The following MYT1L variants were observed in gnomAD, a reference collection of about 807,000 sequenced individuals.
The protein encoded by MYT1L is myelin transcription factor 1-like protein.
A neutral mutation model predicts 126.7 loss-of-function variants in MYT1L; 12 were observed. That is an observed-to-expected ratio of 0.09 (90% CI 0.06 to 0.15). The LOEUF (loss-of-function observed/expected upper bound fraction) is 0.15. Among genes scored for constraint, MYT1L ranks in the 10% least tolerant of loss-of-function variants. The pLI is 1.00. For synonymous variants in MYT1L, 541 were observed against 604.2 expected, an observed-to-expected ratio of 0.90 and a Z score of 1.53; for missense variants, 979 against 1,585.2, an observed-to-expected ratio of 0.62 and a Z score of 6.49.
At chr2:1,925,383 C>T (rs1327457371) in intron 9 of MYT1L, among the ~76,000 whole-genome samples, 3 of 152,190 alleles carry the variant, frequency 2.0e-5, no homozygotes, top group Non-Finnish European at 4.4e-5. Flanking sequence ...CCTCACCTTC[C>T]TACAAATGTG....
At position 1,839,765 on chromosome 2, in the gene MYT1L, G is replaced by A. The variant is rs951362520; in HGVS notation, c.2859-395C>T. 3.2e-4 allele frequency among the ~76,000 whole-genome samples: 48 copies of A among 152,216 alleles called. 1 individual carries two copies. The highest frequency in any genetic ancestry group is 3.5e-4 in the Non-Finnish European group (24 of 68,038). ...AAAAATGCAACGTCAATAAGATGTC[G>A]TGGCATTATTTTTAAAGAGGCTGTT... On this transcript the variant is annotated intron_variant, in intron 20 of 24. Coordinates refer to ENST00000647738, the MANE Select transcript of MYT1L (RefSeq NM_001303052.2).
chr2:1,902,986 C>G, intron 14 of MYT1L, 94 bp downstream of exon 14: 1 of 1,189,984 alleles, frequency 8.4e-7, no homozygotes. Context: ...GAGTGACCAC[C>G]ACCGCTCAAC....
In MYT1L at chr2:1,922,012, C is replaced by A. The variant is rs1250874025; in HGVS notation, c.1483+274G>T. On this transcript the variant is annotated intron_variant, in intron 10 of 24. Coordinates refer to ENST00000647738, the MANE Select transcript of MYT1L (RefSeq NM_001303052.2). The surrounding 1 kb of genome is among the most constrained non-coding windows in gnomAD (Gnocchi z 7.4). ...TCAAGTGATGTGTCTGTGCTTTACC[C>A]CTGTCTTCCCAAGGAATGCATTTCC... 6.6e-6 allele frequency among the ~76,000 whole-genome samples: 1 copy of A among 152,184 alleles called. No homozygotes were observed. Among genetic ancestry groups the A allele is most frequent in the Non-Finnish European group, 1.5e-5 (1 of 68,030 alleles).
At chr2:2,304,659 A>G (rs1052501731) in intron 1 of MYT1L, among the ~76,000 whole-genome samples, 1 of 152,182 alleles carries the variant, frequency 6.6e-6, no homozygotes, top group African/African-American at 2.4e-5. Flanking sequence ...GTATTCTGCA[A>G]CTCAAGCCCA....
At chr2:2,083,969 G>T (rs2076104781) in intron 3 of MYT1L, among the ~76,000 whole-genome samples, 1 of 151,446 alleles carries the variant, frequency 6.6e-6, no homozygotes, top group Non-Finnish European at 1.5e-5. Flanking sequence ...TTAGAGGGAG[G>T]GAGACCACTC....
At position 1,811,828 on chromosome 2, in the gene MYT1L, G is replaced by A. The variant is rs191477911; in HGVS notation, c.3081-2661C>T. Among the ~76,000 whole-genome samples, 26 of 152,170 alleles carry A rather than the reference G, an allele frequency of 1.7e-4. No homozygotes were observed. The East Asian group carries it at 4.8e-3, about 28-fold the overall frequency. On this transcript the variant is annotated intron_variant, in intron 21 of 24. Coordinates refer to ENST00000647738, the MANE Select transcript of MYT1L (RefSeq NM_001303052.2). The surrounding 1 kb of genome is among the most constrained non-coding windows in gnomAD (Gnocchi z 4.4). ...ACAACCTGGCAGTCGTCCCCACTCC[G>A]GGGCACCCTCCTGGGTCTTCTCCTG...
At chr2:2,120,275 G>T (rs940869176) in intron 3 of MYT1L, among the ~76,000 whole-genome samples, 1 of 152,128 alleles carries the variant, frequency 6.6e-6, no homozygotes, top group Non-Finnish European at 1.5e-5. Flanking sequence ...TCAGCTTAGG[G>T]TAAATCACAA....
chr2:2,324,263 G>T (rs1006594214), intron 1 of MYT1L: 1 of 152,138 alleles, frequency 6.6e-6, no homozygotes, highest in Non-Finnish European at 1.5e-5. Flanking sequence ...GGCACCTTCG[G>T]CTAAGCCAGC....
chr2:2,211,286 C>T (rs1195115923), intron 2 of MYT1L, among the ~76,000 whole-genome samples: 2 of 152,172 alleles, frequency 1.3e-5, no homozygotes, highest in African/African-American at 2.4e-5. Flanking sequence ...ACAATGACCA[C>T]GTTTTTAAAC....
chr2:1,869,832 G>C (rs1253590805), intron 18 of MYT1L, among the ~76,000 whole-genome samples: 3 of 150,184 alleles, frequency 2.0e-5, no homozygotes, highest in Non-Finnish European at 4.5e-5. Flanking sequence ...TGGCAAGCCA[G>C]GAGCTCCCAA....
intron 8 of MYT1L, among the ~76,000 whole-genome samples, chr2:1,956,549 CAT>C (rs2058460885): frequency 7.2e-6 from 1 of 139,046 alleles, no homozygotes; most frequent in African/African-American, 2.7e-5. Context: ...ATCTATCTAT[CAT>C]CTATCCTATT....
At chr2:1,993,874 T>G (rs376933352) in intron 5 of MYT1L, among the ~76,000 whole-genome samples, 1 of 152,164 alleles carries the variant, frequency 6.6e-6, no homozygotes, top group African/African-American at 2.4e-5. Context: ...AGGGTAAGCG[T>G]TCTCTCACAC....
chr2:1,911,814 G>A (rs2052029768), intron 12 of MYT1L, among the ~76,000 whole-genome samples: 1 of 152,202 alleles, frequency 6.6e-6, no homozygotes, highest in Admixed American at 6.5e-5. Flanking sequence ...ACCCTGCTAT[G>A]ATAAGGTGGG....
intron 20 of MYT1L, among the ~76,000 whole-genome samples, chr2:1,839,934 C>T (rs1056688213): frequency 8.5e-5 from 13 of 152,128 alleles, no homozygotes; most frequent in South Asian, 4.1e-4. Context: ...CACAGGGACA[C>T]GGGACAGGTG....
intron 3 of MYT1L, among the ~76,000 whole-genome samples, chr2:2,140,432 C>CTTTTTTTTTTTTTTTTTTTTTT (rs35297300): frequency 3.5e-5 from 4 of 112,968 alleles, no homozygotes; most frequent in Non-Finnish European, 5.4e-5. Context: ...CTTTCTTTTT[C>CTTTTTTTTTTTTTTTTTTTTTT]TTTTTTTTTT....
intron 3 of MYT1L, among the ~76,000 whole-genome samples, chr2:2,161,488 A>G (rs2087920986): frequency 6.6e-6 from 1 of 152,232 alleles, no homozygotes; most frequent in South Asian, 2.1e-4. Context: ...CCACTCTGGG[A>G]GCCTGAAGAT....
At chr2:2,235,415 C>T (rs2094269627) in intron 2 of MYT1L, among the ~76,000 whole-genome samples, 1 of 85,454 alleles carries the variant, frequency 1.2e-5, no homozygotes, top group South Asian at 3.0e-4. Flanking sequence ...TGGCATCTTC[C>T]TCACAGCTTC....
intron 3 of MYT1L, among the ~76,000 whole-genome samples, chr2:2,098,140 C>A (rs2077648900): frequency 6.6e-6 from 1 of 152,150 alleles, no homozygotes; most frequent in Non-Finnish European, 1.5e-5. Context: ...TTATAAATTA[C>A]CCAGCCTCAG....
intron 9 of MYT1L, among the ~76,000 whole-genome samples, chr2:1,938,134 T>A (rs1287521247): frequency 6.6e-6 from 1 of 152,206 alleles, no homozygotes; most frequent in Non-Finnish European, 1.5e-5. Flanking sequence ...ATTGCTAGGC[T>A]CTTCCTCAGG....
Sources: gnomAD v4.1 joint callset for allele counts (sites outside exome capture counted in the v4.1 genomes callset) on GRCh38, gnomAD v4.1.1 for gene constraint, Gnocchi (gnomAD v3.1) non-coding constraint, MANE v1.5 for transcripts, NCBI Gene and HGNC (gene_info 2026-07-23, HGNC 2026-07-21) for gene names.